LDLRAD4: variants seen among roughly 807,000 people sequenced by gnomAD.
LDLRAD4 encodes low density lipoprotein receptor class A domain containing 4.
Under a neutral mutation model 17.0 loss-of-function variants are expected in LDLRAD4, and 5 were observed. That is an observed-to-expected ratio of 0.29 (90% CI 0.15 to 0.62). The LOEUF (loss-of-function observed/expected upper bound fraction) is 0.62, where lower values mean the gene tolerates loss of function less well. LDLRAD4 is among the 20% of genes least tolerant of loss of function. The pLI is 0.84. For missense variants in LDLRAD4, 340 were observed against 424.7 expected (o/e 0.80, Z 1.75); for synonymous variants, 168 against 171.8 (o/e 0.98, Z 0.17).
At chr18:13,285,787 T>TCAA (rs1266770340) in intron 1 of LDLRAD4, among the ~76,000 whole-genome samples, 1 of 152,142 alleles carries the variant, frequency 6.6e-6, no homozygotes, top group Non-Finnish European at 1.5e-5. Flanking sequence ...TGGGGGAAAC[T>TCAA]CAAGCCAGTC....
intron 3 of LDLRAD4, among the ~76,000 whole-genome samples, chr18:13,534,774 A>G (rs78051658): frequency 0.02 from 3,117 of 152,296 alleles, 120 homozygotes; most frequent in African/African-American, 0.072. Context: ...CATAATCTAC[A>G]CCACAGTCAC....
intron 1 of LDLRAD4, among the ~76,000 whole-genome samples, chr18:13,297,043 G>A (rs1192061344): frequency 6.6e-6 from 1 of 151,974 alleles, no homozygotes; most frequent in Non-Finnish European, 1.5e-5. Flanking sequence ...GGGTTTGCGG[G>A]AGATGGTGTT....
chr18:13,545,375 T>C (rs555893771), intron 3 of LDLRAD4, among the ~76,000 whole-genome samples: 13 of 152,240 alleles, frequency 8.5e-5, no homozygotes, highest in Admixed American at 1.3e-4. Context: ...CAACGAATCC[T>C]TTTGGCAACA....
chr18:13,594,629 A>G (rs183475524), intron 3 of LDLRAD4, among the ~76,000 whole-genome samples: 1,335 of 132,162 alleles, frequency 0.01, 21 homozygotes, highest in African/African-American at 0.036. Context: ...TCATGCCACT[A>G]TGCTCCAGCC....
At chr18:13,535,439 A>C (rs1209533182) in intron 3 of LDLRAD4, among the ~76,000 whole-genome samples, 1 of 152,060 alleles carries the variant, frequency 6.6e-6, no homozygotes, top group African/African-American at 2.4e-5. Context: ...GCATCTCTTT[A>C]TGTCCCTCTT....
chr18:13,248,233 C>T (rs545153381), intron 1 of LDLRAD4, among the ~76,000 whole-genome samples: 8 of 152,320 alleles, frequency 5.3e-5, no homozygotes, highest in South Asian at 2.1e-4. Context: ...AGTGCTGGGA[C>T]TACAGGCGCG....
At chr18:13,356,908 G>C (rs2083378843) in intron 1 of LDLRAD4, among the ~76,000 whole-genome samples, 1 of 152,172 alleles carries the variant, frequency 6.6e-6, no homozygotes, top group Non-Finnish European at 1.5e-5. Flanking sequence ...CCGAGGTGGA[G>C]GGATCACGTG....
intron 2 of LDLRAD4, among the ~76,000 whole-genome samples, chr18:13,408,819 C>T (rs992949855): frequency 2.6e-5 from 4 of 152,244 alleles, no homozygotes; most frequent in South Asian, 2.1e-4. Context: ...TCTTCTCTCC[C>T]GTAGCTCCTT....
chr18:13,554,032 G>A (rs770259042), intron 3 of LDLRAD4, among the ~76,000 whole-genome samples: 2 of 152,070 alleles, frequency 1.3e-5, no homozygotes, highest in African/African-American at 4.8e-5. Flanking sequence ...TAGTCACATA[G>A]CATTTAATCA....
chr18:13,531,750 G>A (rs2094131385), intron 3 of LDLRAD4, among the ~76,000 whole-genome samples: 2 of 152,126 alleles, frequency 1.3e-5, no homozygotes, highest in Admixed American at 6.6e-5. Context: ...AGTAGGAAAT[G>A]GAGATGGAGA....
intron 3 of LDLRAD4, among the ~76,000 whole-genome samples, chr18:13,535,274 G>A (rs2094187316): frequency 6.6e-6 from 1 of 152,168 alleles, no homozygotes. Flanking sequence ...TTAACATTTT[G>A]TATTCCAGCC....
At chr18:13,443,699 G>A (rs1355368301) in intron 3 of LDLRAD4, among the ~76,000 whole-genome samples, 2 of 149,816 alleles carry the variant, frequency 1.3e-5, no homozygotes, top group East Asian at 2.0e-4. Context: ...TCCTGTCGTC[G>A]TCGTCGTCGT....
chr18:13,347,841 C>A (rs867143095), intron 1 of LDLRAD4, among the ~76,000 whole-genome samples: 1 of 152,184 alleles, frequency 6.6e-6, no homozygotes, highest in Non-Finnish European at 1.5e-5. Context: ...GTCACTGATA[C>A]CCTTTCTTCC....
intron 3 of LDLRAD4, among the ~76,000 whole-genome samples, 164 bp downstream of exon 4, chr18:13,438,548 T>C (rs1176135221): frequency 1.3e-5 from 2 of 152,260 alleles, no homozygotes; most frequent in Non-Finnish European, 2.9e-5. Flanking sequence ...AGGGACAGCA[T>C]GTTCAAAAGT....
chr18:13,426,388 G>T (rs1048018906), intron 2 of LDLRAD4, among the ~76,000 whole-genome samples: 2 of 152,220 alleles, frequency 1.3e-5, no homozygotes, highest in African/African-American at 2.4e-5. Flanking sequence ...TTTTGTCTTT[G>T]CAGAGCTTGG....
At chr18:13,424,108 C>T (rs2145907612) in intron 2 of LDLRAD4, among the ~76,000 whole-genome samples, 1 of 150,134 alleles carries the variant, frequency 6.7e-6, no homozygotes, top group African/African-American at 2.5e-5. Context: ...GCACTCCAGC[C>T]TGGGCGACGA....
intron 1 of LDLRAD4, among the ~76,000 whole-genome samples, chr18:13,293,723 C>T (rs1171498193): frequency 6.6e-6 from 1 of 152,214 alleles, no homozygotes; most frequent in East Asian, 1.9e-4. Context: ...TTTCCCTCTC[C>T]GTGTTTCCGC....
intron 3 of LDLRAD4, among the ~76,000 whole-genome samples, chr18:13,604,127 TTCTC>T (rs1481607540): frequency 2.6e-5 from 4 of 152,228 alleles, no homozygotes; most frequent in Non-Finnish European, 4.4e-5. Context: ...GGGCCATACT[TTCTC>T]TGATATATGG....
At chr18:13,546,798 C>T (rs1395722914) in intron 3 of LDLRAD4, among the ~76,000 whole-genome samples, 2 of 152,252 alleles carry the variant, frequency 1.3e-5, no homozygotes, top group South Asian at 2.1e-4. Context: ...AGGATTCTGT[C>T]GCTGACATCA....
Sources: allele counts gnomAD v4.1 joint callset (sites outside exome capture counted in the v4.1 genomes callset), GRCh38; gene constraint gnomAD v4.1.1; transcripts MANE v1.5; gene names NCBI Gene and HGNC (gene_info 2026-07-23, HGNC 2026-07-21).